PCDHGC4: variants seen among roughly 807,000 people sequenced by gnomAD.
The protein encoded by PCDHGC4 is protocadherin gamma subfamily C, 4.
Under a neutral mutation model 59.7 loss-of-function variants are expected in PCDHGC4, and 15 were observed. That is an observed-to-expected ratio of 0.25 (90% CI 0.17 to 0.39). The LOEUF (loss-of-function observed/expected upper bound fraction) is 0.39. Ranked by LOEUF, PCDHGC4 falls within the 10% of genes least tolerant of loss-of-function variation. The probability of loss-of-function intolerance (pLI) is 1.00; values close to 1 mark genes in which losing one functional copy is unlikely to be tolerated. For synonymous variants in PCDHGC4, 434 were observed against 481.4 expected (o/e 0.90, Z 1.29); for missense variants, 1,016 against 1,189.5 (o/e 0.85, Z 2.15).
chr5:141,487,810 C>G lies in PCDHGC4; in HGVS notation c.2442+195C>G, dbSNP rs377060474. ...ATTAACCAGAGTTGTCACAGTTTAGCATTGGGGGCGGGTCATGCCTATATC... is the reference window on the plus strand; with the variant it reads ...ATTAACCAGAGTTGTCACAGTTTAGGATTGGGGGCGGGTCATGCCTATATC... On this transcript the variant is annotated intron_variant, in intron 1 of 3. Coordinates refer to ENST00000306593, the MANE Select transcript of PCDHGC4 (RefSeq NM_018928.3). The surrounding 1 kb of genome is among the most constrained non-coding windows in gnomAD (Gnocchi z 5.0). 7.1e-7 allele frequency: 1 copy of G among 1,417,854 alleles called. No homozygotes were observed. The highest frequency in any genetic ancestry group is 2.1e-5 in the Admixed American group (1 of 47,076). The allele number at this position is 1,417,854 out of a possible 1,614,324, so 87.8% of individuals were successfully genotyped here.
At chr5:141,507,531 C>T (rs1467914007) in intron 3 of PCDHGC4, among the ~76,000 whole-genome samples, 3 of 151,964 alleles carry the variant, frequency 2.0e-5, no homozygotes, top group African/African-American at 7.2e-5. Flanking sequence ...CCAGAGAGGC[C>T]AGAGACTGAG....
rs769074023 is a variant in PCDHGC4 at position 141,491,738 on chromosome 5, G to T, written c.2443-3069G>T. On this transcript the variant is annotated intron_variant, in intron 1 of 3. Transcript: ENST00000306593. The surrounding 1 kb of genome is among the most constrained non-coding windows in gnomAD (Gnocchi z 6.9). The stretch of plus-strand genomic sequence containing the variant: ...GCGCCGCCCCGGGCGACCCCTGGGG[G>T]CGGCACTGGAGAAGCCGCCCGTCCT... 38 of 1,600,228 alleles carry T rather than the reference G, an allele frequency of 2.4e-5. No homozygotes were observed. The highest frequency in any genetic ancestry group is 3.1e-5 in the Non-Finnish European group (36 of 1,174,204).
In PCDHGC4 at chr5:141,490,682, C is replaced by T. The variant is rs1286126848; in HGVS notation, c.2442+3067C>T. On this transcript the variant is annotated intron_variant, in intron 1 of 3. Coordinates refer to ENST00000306593, the MANE Select transcript of PCDHGC4 (RefSeq NM_018928.3). The surrounding 1 kb of genome is among the most constrained non-coding windows in gnomAD (Gnocchi z 5.4). ...CTTTGCACTGTGGCTGCCTCAGATC[C>T]AGACACTGGGGATAATGCCCGCCTC... 10 of 1,614,054 alleles carry T rather than the reference C, an allele frequency of 6.2e-6. No homozygotes were observed. The highest frequency in any genetic ancestry group is 3.3e-5 in the Admixed American group (2 of 60,008).
At chr5:141,505,852 G>A (rs2099848673) in intron 3 of PCDHGC4, among the ~76,000 whole-genome samples, 1 of 152,140 alleles carries the variant, frequency 6.6e-6, no homozygotes, top group African/African-American at 2.4e-5. Context: ...TAGAAAGTGG[G>A]GACAGGGACC....
At position 141,490,874 on chromosome 5, in the gene PCDHGC4, A is replaced by T. The variant is rs368927472; in HGVS notation, c.2442+3259A>T. 2 of 1,613,948 alleles carry T rather than the reference A, an allele frequency of 1.2e-6. No homozygotes were observed. Among genetic ancestry groups the T allele is most frequent in the Non-Finnish European group, 1.7e-6 (2 of 1,179,952 alleles). On this transcript the variant is annotated intron_variant, in intron 1 of 3. Transcript: ENST00000306593. The surrounding 1 kb of genome is among the most constrained non-coding windows in gnomAD (Gnocchi z 5.4). The stretch of plus-strand genomic sequence containing the variant: ...CGAGACTCCGGCTCTCCCCCATTGC[A>T]TGCCAACACATCTCTGCATGTGTTT...
In PCDHGC4 at chr5:141,487,460, G is replaced by T; in HGVS notation, c.2287G>T (p.Val763Phe). ...QLGSDDPIKFVDVGGHSHGCT... is the reference protein window; with the variant it reads ...QLGSDDPIKFFDVGGHSHGCT... ...AGGGTCAGATGACCCTATCAAGTTT[G>T]TTGATGTGGGAGGCCACTCTCATGG... Residue 763 changes from valine to phenylalanine, a missense_variant, in exon 1 of 4, where the codon GTT (valine) becomes TTT (phenylalanine). Physicochemically the swap from Val to Phe is conservative, Grantham distance 50. Transcript: ENST00000306593. The surrounding 1 kb of genome is among the most constrained non-coding windows in gnomAD (Gnocchi z 5.0). 1 of 1,614,170 alleles carries T rather than the reference G, an allele frequency of 6.2e-7. No individual in the cohort carries two copies. Among genetic ancestry groups the T allele is most frequent in the Non-Finnish European group, 8.5e-7 (1 of 1,180,024 alleles).
rs1266310917 is a variant in PCDHGC4 at position 141,486,868 on chromosome 5, G to A, written c.1695G>A (p.Val565=). 2 of 1,614,104 alleles carry A rather than the reference G, an allele frequency of 1.2e-6. No homozygotes were observed. Among genetic ancestry groups the A allele is most frequent in the Non-Finnish European group, 1.7e-6 (2 of 1,180,056 alleles). ...ACCTCAATGACAATGCTCCAGCTGT[G>A]CTCCGTCCTCGGGCCCGGCCTGGTT... ...VLDLNDNAPA[V]LRPRARPGSL... Residue 565 remains valine (V), a synonymous_variant, in exon 1 of 4, where the codon GTG becomes GTA. Transcript: ENST00000306593. The surrounding 1 kb of genome is among the most constrained non-coding windows in gnomAD (Gnocchi z 5.0).
intron 2 of PCDHGC4, 141 bp downstream of exon 2, chr5:141,495,006 G>C (rs1030195663): frequency 2.0e-6 from 3 of 1,521,446 alleles, no homozygotes; most frequent in Non-Finnish European, 8.8e-7. Flanking sequence ...CTTGGTGTGC[G>C]GGGGGCTGGC....
intron 2 of PCDHGC4, among the ~76,000 whole-genome samples, chr5:141,497,171 C>T (rs991574648): frequency 6.6e-6 from 1 of 151,148 alleles, no homozygotes; most frequent in African/African-American, 2.5e-5. Context: ...CCACAAATCA[C>T]AGTAAGTTCT....
Position 141,491,279 on chromosome 5 carries a change from T to G in PCDHGC4, c.2443-3528T>G. 1 of 1,614,110 alleles carries G rather than the reference T, an allele frequency of 6.2e-7. No individual in the cohort carries two copies. The highest frequency in any genetic ancestry group is 2.2e-5 in the East Asian group (1 of 44,878). ...GAGGAAATGCCCAAATCCAGTGACT[T>G]CCTCATACACCCTCCTGAGCGTTCA... On this transcript the variant is annotated intron_variant, in intron 1 of 3. Transcript: ENST00000306593. The surrounding 1 kb of genome is among the most constrained non-coding windows in gnomAD (Gnocchi z 6.9).
rs1250096461 is a variant in PCDHGC4 at position 141,485,533 on chromosome 5, G to A, written c.360G>A (p.Glu120=). 6.2e-7 allele frequency: 1 copy of A among 1,614,084 alleles called. No homozygotes were observed. Among genetic ancestry groups the A allele is most frequent in the Non-Finnish European group, 8.5e-7 (1 of 1,180,034 alleles). Residue 120 remains glutamate (E), a synonymous_variant, in exon 1 of 4, where the codon GAG becomes GAA. Coordinates refer to ENST00000306593, the MANE Select transcript of PCDHGC4 (RefSeq NM_018928.3). This position sits in a 1 kb window ranked among gnomAD's most constrained non-coding sequence, Gnocchi z 5.7. ...TEGPLEMYRA[E]VEIVDVNDHA... is the part of the protein sequence containing the mutation. ...GTCCTTTGGAAATGTACCGAGCAGA[G>A]GTAGAGATCGTAGATGTGAATGATC...
At chr5:141,508,824 G>T (rs893436748) in intron 3 of PCDHGC4, among the ~76,000 whole-genome samples, 1 of 151,952 alleles carries the variant, frequency 6.6e-6, no homozygotes, top group Non-Finnish European at 1.5e-5. Context: ...CCAGATCTGG[G>T]CCCCCCTCCC....
intron 2 of PCDHGC4, among the ~76,000 whole-genome samples, chr5:141,496,103 C>T (rs779317844): frequency 2.0e-5 from 3 of 152,218 alleles, no homozygotes; most frequent in South Asian, 2.1e-4. Flanking sequence ...ACCAACACCC[C>T]GCTCTCTTCC....
rs374229757 is a variant in PCDHGC4, at chr5:141,491,437, C to T, written c.2443-3370C>T. 4 of 1,613,978 alleles carry T rather than the reference C, an allele frequency of 2.5e-6. No homozygotes were observed. Among genetic ancestry groups the T allele is most frequent in the Admixed American group, 3.3e-5 (2 of 60,004 alleles). ...CGGGGGTGGAGGGCAGTGCTGCAGG[C>T]GCCAGGACTCACCCTCCCCGGACTT... On this transcript the variant is annotated intron_variant, in intron 1 of 3. Coordinates refer to ENST00000306593, the MANE Select transcript of PCDHGC4 (RefSeq NM_018928.3). This position sits in a 1 kb window ranked among gnomAD's most constrained non-coding sequence, Gnocchi z 6.9.
chr5:141,495,465 G>A (rs563411010), intron 2 of PCDHGC4, among the ~76,000 whole-genome samples: 3 of 152,182 alleles, frequency 2.0e-5, no homozygotes, highest in Non-Finnish European at 2.9e-5. Context: ...TGTCTGTGGG[G>A]TCTCCGTGTC....
chr5:141,500,084 C>T (rs1354544132), intron 2 of PCDHGC4, among the ~76,000 whole-genome samples: 1 of 152,030 alleles, frequency 6.6e-6, no homozygotes, highest in Non-Finnish European at 1.5e-5. Flanking sequence ...CCTCCATCTT[C>T]CATTTTTGCA....
Position 141,491,756 on chromosome 5 carries a change from C to T in PCDHGC4, c.2443-3051C>T. The T allele has an allele frequency of 1.3e-6, 2 of 1,581,720 alleles. No individual in the cohort carries two copies. Among genetic ancestry groups the T allele is most frequent in the Non-Finnish European group, 8.6e-7 (1 of 1,165,100 alleles). ...CCTGGGGGCGGCACTGGAGAAGCCG[C>T]CCGTCCTCATAAGGGATTGAACTTG... On this transcript the variant is annotated intron_variant, in intron 1 of 3. Coordinates refer to ENST00000306593, the MANE Select transcript of PCDHGC4 (RefSeq NM_018928.3). This position sits in a 1 kb window ranked among gnomAD's most constrained non-coding sequence, Gnocchi z 6.9.
intron 1 of PCDHGC4, among the ~76,000 whole-genome samples, chr5:141,492,408 C>T (rs1187024017): frequency 2.0e-5 from 3 of 152,244 alleles, no homozygotes; most frequent in African/African-American, 2.4e-5. Flanking sequence ...CTCCCCTCTG[C>T]CGCTCCCTCC....
chr5:141,505,252 C>T (rs2099844831), intron 2 of PCDHGC4, 141 bp from the exon 3 acceptor site: 1 of 1,454,140 alleles, frequency 6.9e-7, no homozygotes, highest in Non-Finnish European at 9.2e-7. Context: ...TGTAGAAGTG[C>T]CTCCTACCTT....
Sources: gnomAD v4.1 joint callset for allele counts (sites outside exome capture counted in the v4.1 genomes callset) on GRCh38, gnomAD v4.1.1 for gene constraint, Gnocchi (gnomAD v3.1) non-coding constraint, MANE v1.5 for transcripts, NCBI Gene and HGNC (gene_info 2026-07-23, HGNC 2026-07-21) for gene names.